The following CDKL1 variants were observed in gnomAD, a reference collection of about 807,000 sequenced individuals.
CDKL1 encodes cyclin dependent kinase like 1, also known as cyclin-dependent kinase-like 1.
In CDKL1, 41 loss-of-function variants were observed where a neutral mutation model predicts 42.0. The ratio of observed to expected loss-of-function variants is 0.98; its 90% CI spans 0.76 to 1.27. The LOEUF (loss-of-function observed/expected upper bound fraction) is 1.27, where lower values mean the gene tolerates loss of function less well. Among genes scored for constraint, CDKL1 ranks in the 50% most tolerant of loss-of-function variants. CDKL1 has a pLI of 0.00. For synonymous variants in CDKL1, 153 were observed against 158.6 expected, an observed-to-expected ratio of 0.96 and a Z score of 0.26; for missense variants, 394 against 428.4, an observed-to-expected ratio of 0.92 and a Z score of 0.71.
chr14:50,350,006 T>G (rs11570821), intron 3 of CDKL1, among the ~76,000 whole-genome samples: 2 of 152,244 alleles, frequency 1.3e-5, no homozygotes, highest in Admixed American at 1.3e-4. Context: ...CTCGAACGCC[T>G]GACCTCAGGT....
chr14:50,344,477 T>TAA (rs2033663675), intron 4 of CDKL1, among the ~76,000 whole-genome samples: 1 of 150,008 alleles, frequency 6.7e-6, no homozygotes, highest in Non-Finnish European at 1.5e-5. Context: ...GGTTTTTTTT[T>TAA]TTTTTTTTTT....
intron 2 of CDKL1, among the ~76,000 whole-genome samples, chr14:50,375,373 A>G (rs1301252759): frequency 6.6e-6 from 1 of 152,264 alleles, no homozygotes; most frequent in African/African-American, 2.4e-5. Flanking sequence ...ATTCCAAATA[A>G]TTTATGTTGA....
chr14:50,346,668 T>TTTTTTA (rs2033738157), intron 3 of CDKL1, among the ~76,000 whole-genome samples: 1 of 150,578 alleles, frequency 6.6e-6, no homozygotes, highest in African/African-American at 2.5e-5. Context: ...TTTTTTTTTT[T>TTTTTTA]GAGATGGAGT....
At chr14:50,386,339 C>T (rs2035080904) in intron 2 of CDKL1, among the ~76,000 whole-genome samples, 1 of 152,090 alleles carries the variant, frequency 6.6e-6, no homozygotes, top group Non-Finnish European at 1.5e-5. Context: ...GAGGCTGAGG[C>T]AGAAGGATCA....
At chr14:50,388,087 G>A (rs531753454) in intron 2 of CDKL1, among the ~76,000 whole-genome samples, 10 of 152,142 alleles carry the variant, frequency 6.6e-5, no homozygotes, top group South Asian at 2.1e-4. Flanking sequence ...TAGTAGAGAC[G>A]GGGATGTTGG....
chr14:50,356,683 T>G (rs2034067878), intron 3 of CDKL1, among the ~76,000 whole-genome samples: 1 of 152,242 alleles, frequency 6.6e-6, no homozygotes, highest in Non-Finnish European at 1.5e-5. Flanking sequence ...TGTCGGGGGC[T>G]GATTTCCTTA....
chr14:50,354,228 TGC>T (rs775123918), intron 3 of CDKL1, among the ~76,000 whole-genome samples: 3 of 152,220 alleles, frequency 2.0e-5, no homozygotes, highest in Non-Finnish European at 4.4e-5. Flanking sequence ...GTGCTGGGAT[TGC>T]AGGTGTGAGC....
intron 3 of CDKL1, among the ~76,000 whole-genome samples, chr14:50,346,506 G>A (rs1595289455): frequency 6.6e-6 from 1 of 152,038 alleles, no homozygotes; most frequent in East Asian, 1.9e-4. Flanking sequence ...GTGCTGCCCA[G>A]GCTGGAGGCA....
intron 2 of CDKL1, among the ~76,000 whole-genome samples, chr14:50,371,312 T>G (rs1316281939): frequency 6.6e-6 from 1 of 152,188 alleles, no homozygotes; most frequent in Non-Finnish European, 1.5e-5. Flanking sequence ...GTGAGGAATC[T>G]CCATATATTT....
At chr14:50,346,689 C>T (rs2033739354) in intron 3 of CDKL1, among the ~76,000 whole-genome samples, 1 of 130,372 alleles carries the variant, frequency 7.7e-6, no homozygotes, top group Non-Finnish European at 1.6e-5. Context: ...CTTGCTCTGT[C>T]ACCCAGGCTA....
intron 2 of CDKL1, among the ~76,000 whole-genome samples, chr14:50,375,097 TA>T (rs1284001246): frequency 4.0e-5 from 6 of 151,864 alleles, no homozygotes; most frequent in South Asian, 2.1e-4. Context: ...CGGAACTTAT[TA>T]AAAAAAATTA....
rs557128887 is a variant in CDKL1, at chr14:50,330,037, A to G, written c.*37T>C. On this transcript the variant is annotated 3_prime_UTR_variant, in exon 10 of 10. Transcript: ENST00000395834. The stretch of plus-strand genomic sequence containing the variant: ...AAGTTTTATTTTCTTCAAAGCATCT[A>G]TTGATTCCTTTTTTAAAATCATGTC... 8.8e-6 allele frequency: 14 copies of G among 1,597,616 alleles called. No individual in the cohort carries two copies. The East Asian group carries it at 9.0e-5, about 10-fold the overall frequency.
intron 2 of CDKL1, among the ~76,000 whole-genome samples, chr14:50,359,797 TA>T (rs10672836): frequency 0.03 from 3,638 of 120,852 alleles, 140 homozygotes; most frequent in African/African-American, 0.096. Flanking sequence ...GTGTCTAGAT[TA>T]AAAAAAAAAA....
Position 50,342,226 on chromosome 14 carries a change from G to C in CDKL1, c.364-4C>G. 3 of 1,610,940 alleles carry C rather than the reference G, an allele frequency of 1.9e-6. No individual in the cohort carries two copies. The highest frequency in any genetic ancestry group is 2.5e-6 in the Non-Finnish European group (3 of 1,177,166). On this transcript the variant is annotated splice_region_variant and splice_polypyrimidine_tract_variant and intron_variant, in intron 4 of 9. Coordinates refer to ENST00000395834, the MANE Select transcript of CDKL1 (RefSeq NM_004196.7). The stretch of plus-strand genomic sequence containing the variant: ...GCTTCACGTCTCTATGTATGCACTA[G>C]TGTAACAAATCAAAACAAAAACAAT...
intron 8 of CDKL1, 189 bp from the exon 9 acceptor site, chr14:50,332,621 A>G (rs1309368469): frequency 1.3e-6 from 2 of 1,503,062 alleles, no homozygotes; most frequent in Non-Finnish European, 1.8e-6. Flanking sequence ...TTAAATAAAT[A>G]GTTTCTAGAA....
chr14:50,333,046 G>A (rs1757344090), intron 8 of CDKL1: 1 of 175,824 alleles, frequency 5.7e-6, no homozygotes. Context: ...CAACTAAGTA[G>A]GCCATGGAGC....
chr14:50,330,324 T>A, intron 9 of CDKL1, 143 bp from the exon 10 acceptor site: 2 of 1,002,410 alleles, frequency 2.0e-6, no homozygotes, highest in Non-Finnish European at 2.7e-6. Flanking sequence ...GAGAGAGGAT[T>A]AAATGTTTCA....
chr14:50,378,587 G>A (rs887199659), intron 2 of CDKL1, among the ~76,000 whole-genome samples: 2 of 152,150 alleles, frequency 1.3e-5, no homozygotes, highest in Non-Finnish European at 2.9e-5. Context: ...AGGCTGGAGT[G>A]CAGTGGCATG....
chr14:50,336,357 G>C (rs976248117), intron 7 of CDKL1: 1 of 838,080 alleles, frequency 1.2e-6, no homozygotes, highest in African/African-American at 1.8e-5. Flanking sequence ...TATTTCTGAG[G>C]CTTCACCAAC....
Sources: allele counts gnomAD v4.1 joint callset (sites outside exome capture counted in the v4.1 genomes callset), GRCh38; gene constraint gnomAD v4.1.1; transcripts MANE v1.5; gene names NCBI Gene and HGNC (gene_info 2026-07-23, HGNC 2026-07-21).